Variants in CACNA1E observed in about 807,000 individuals in gnomAD.
CACNA1E encodes calcium voltage-gated channel subunit alpha1 E, also known as voltage-dependent R-type calcium channel subunit alpha-1E.
A neutral mutation model predicts 259.2 loss-of-function variants in CACNA1E; 40 were observed. That is an observed-to-expected ratio of 0.15 (90% CI 0.12 to 0.20). The LOEUF (loss-of-function observed/expected upper bound fraction) is 0.20. Among genes scored for constraint, CACNA1E ranks in the 10% least tolerant of loss-of-function variants. CACNA1E has a pLI of 1.00. For synonymous variants in CACNA1E, 1,104 were observed against 1,138.5 expected, an observed-to-expected ratio of 0.97 and a Z score of 0.61; for missense variants, 1,874 against 3,040.1, an observed-to-expected ratio of 0.62 and a Z score of 9.02.
At chr1:181,471,899 A>T (rs959224560) in intron 2 of CACNA1E, among the ~76,000 whole-genome samples, 7 of 152,216 alleles carry the variant, frequency 4.6e-5, no homozygotes, top group African/African-American at 1.7e-4. Flanking sequence ...TTTCACCCTC[A>T]GTGAAAGTAA....
rs115208990 is a variant in CACNA1E, at chr1:181,622,358, T to G, written c.952-28980T>G. ...ATGAAGGTAATGTTAGAGTAGTTGG[T>G]GGGTATATTTGCTAGGGCTGCCATA... On this transcript the variant is annotated intron_variant, in intron 6 of 47. Coordinates refer to ENST00000367573, the MANE Select transcript of CACNA1E (RefSeq NM_001205293.3). Among the ~76,000 whole-genome samples, 682 of 152,282 alleles carry G rather than the reference T, an allele frequency of 4.5e-3. 3 individuals are homozygous for G. Among genetic ancestry groups the G allele is most frequent in the Middle Eastern group, 0.01 (3 of 294 alleles).
At chr1:181,341,788 A>G (rs984641571) in intron 1 of CACNA1E, among the ~76,000 whole-genome samples, 2 of 152,112 alleles carry the variant, frequency 1.3e-5, no homozygotes, top group African/African-American at 4.8e-5. Flanking sequence ...GACTACTTAC[A>G]TGGCTATTTT....
At chr1:181,760,242 C>G (rs756654590) in intron 32 of CACNA1E, among the ~76,000 whole-genome samples, 5 of 152,144 alleles carry the variant, frequency 3.3e-5, no homozygotes, top group Admixed American at 6.5e-5. Flanking sequence ...GCCCTTGAAG[C>G]CTGCCTCCTT....
rs556460864 is a variant in CACNA1E at position 181,387,443 on chromosome 1, A to G, written c.-14-25690A>G. 1.7e-3 allele frequency among the ~76,000 whole-genome samples: 261 copies of G among 152,338 alleles called. 1 individual carries two copies. The highest frequency in any genetic ancestry group is 6.1e-3 in the African/African-American group (254 of 41,562). On this transcript the variant is annotated intron_variant, in intron 1 of 11. Coordinates refer to the CACNA1E transcript ENST00000524607. ...TTGAGGCATAAAAGGAAATGTCCTC[A>G]TAGTAATTGCTCTGAATGGATTTGG...
intron 7 of CACNA1E, among the ~76,000 whole-genome samples, chr1:181,652,643 A>G (rs961411975): frequency 6.6e-6 from 1 of 152,196 alleles, no homozygotes; most frequent in Non-Finnish European, 1.5e-5. Flanking sequence ...GGTAGGTCTG[A>G]GAGCTGGGGT....
chr1:181,478,513 C>T (rs1663011806), intron 2 of CACNA1E, among the ~76,000 whole-genome samples: 1 of 152,266 alleles, frequency 6.6e-6, no homozygotes, highest in Non-Finnish European at 1.5e-5. Flanking sequence ...CCCAAATCCT[C>T]TCTGCATTAT....
intron 3 of CACNA1E, among the ~76,000 whole-genome samples, chr1:181,548,143 G>C (rs1429635188): frequency 3.0e-5 from 1 of 33,086 alleles, no homozygotes; most frequent in Admixed American, 2.8e-4. Flanking sequence ...TTTTTTTTTT[G>C]AGTCAGGGTC....
rs544861890 is a variant in CACNA1E, at chr1:181,618,744, G to A, written c.952-32594G>A. Reference sequence around the variant, plus strand: ...TTCAAAGGTCAAAGACTATATTGACGTTGATCACTGTTGTATTCCCAGCAC... The same window carrying A: ...TTCAAAGGTCAAAGACTATATTGACATTGATCACTGTTGTATTCCCAGCAC... On this transcript the variant is annotated intron_variant, in intron 6 of 47. Coordinates refer to ENST00000367573, the MANE Select transcript of CACNA1E (RefSeq NM_001205293.3). Among the ~76,000 whole-genome samples, 9 of 152,290 alleles carry A rather than the reference G, an allele frequency of 5.9e-5. No individual in the cohort carries two copies. In the South Asian group the frequency reaches 1.7e-3, roughly 28 times the overall value.
At chr1:181,787,794 A>G (rs1660972740) in intron 43 of CACNA1E, among the ~76,000 whole-genome samples, 1 of 152,212 alleles carries the variant, frequency 6.6e-6, no homozygotes. Context: ...AAGCTCTTCA[A>G]GAGTGGTAAG....
At chr1:181,750,216 G>T (rs1657468619) in intron 25 of CACNA1E, among the ~76,000 whole-genome samples, 1 of 152,272 alleles carries the variant, frequency 6.6e-6, no homozygotes, top group South Asian at 2.1e-4. Flanking sequence ...CTGGCAGAGG[G>T]CCTTCGCCCC....
chr1:181,425,221 A>T lies in CACNA1E; in HGVS notation c.434+11641A>T, dbSNP rs1249833110. Among the ~76,000 whole-genome samples, 5 of 152,236 alleles carry T rather than the reference A, an allele frequency of 3.3e-5. No homozygotes were observed. In the East Asian group the frequency reaches 9.7e-4, roughly 29 times the overall value. ...CAGCCTGGTGGTCAGCACTCACATC[A>T]CAAGAAAGGAAAGCGAAGCCAGGAG... On this transcript the variant is annotated intron_variant, in intron 2 of 11. Coordinates refer to the CACNA1E transcript ENST00000524607.
At chr1:181,725,625 A>C (rs1654829191) in intron 17 of CACNA1E, among the ~76,000 whole-genome samples, 1 of 152,212 alleles carries the variant, frequency 6.6e-6, no homozygotes, top group Admixed American at 6.5e-5. Context: ...AAGACACTAC[A>C]ATGGGGCACT....
chr1:181,354,330 A>C (rs1361885959), intron 1 of CACNA1E, among the ~76,000 whole-genome samples: 1 of 152,202 alleles, frequency 6.6e-6, no homozygotes, highest in East Asian at 1.9e-4. Context: ...ACAGCATGTT[A>C]GATGTGGACT....
chr1:181,751,039 G>A (rs2102658137), intron 26 of CACNA1E, among the ~76,000 whole-genome samples: 1 of 152,278 alleles, frequency 6.6e-6, no homozygotes, highest in South Asian at 2.1e-4. Context: ...CGGAAGCCTT[G>A]CAGTTCCCAC....
chr1:181,572,131 G>T (rs772073022), intron 3 of CACNA1E, among the ~76,000 whole-genome samples: 1 of 151,946 alleles, frequency 6.6e-6, no homozygotes, highest in East Asian at 1.9e-4. Context: ...TTCAGGCATA[G>T]ACTTGTACAG....
At chr1:181,428,924 G>A (rs142412977) in intron 2 of CACNA1E, among the ~76,000 whole-genome samples, 2,617 of 152,294 alleles carry the variant, frequency 0.017, 80 homozygotes, top group African/African-American at 0.06. Context: ...GCTCATGCCT[G>A]TAATCCCAGC....
At chr1:181,458,985 C>T (rs1661637079) in intron 2 of CACNA1E, among the ~76,000 whole-genome samples, 1 of 152,192 alleles carries the variant, frequency 6.6e-6, no homozygotes, top group African/African-American at 2.4e-5. Flanking sequence ...AGTCTCTGCT[C>T]TCAAGGAGCT....
intron 7 of CACNA1E, among the ~76,000 whole-genome samples, chr1:181,680,552 C>T (rs1649850611): frequency 1.3e-5 from 2 of 152,166 alleles, no homozygotes; most frequent in African/African-American, 4.8e-5. Flanking sequence ...TGCCGACCAG[C>T]CCAGCCCACC....
chr1:181,676,937 C>T (rs1247713310), intron 7 of CACNA1E, among the ~76,000 whole-genome samples: 2 of 152,174 alleles, frequency 1.3e-5, no homozygotes, highest in Admixed American at 1.3e-4. Context: ...CTCCAGAAAA[C>T]ACTTTTTAGG....
Sources: allele counts gnomAD v4.1 joint callset (sites outside exome capture counted in the v4.1 genomes callset), GRCh38; gene constraint gnomAD v4.1.1; transcripts MANE v1.5; gene names NCBI Gene and HGNC (gene_info 2026-07-23, HGNC 2026-07-21).